The following ZNF589 variants were observed in gnomAD, a reference collection of about 807,000 sequenced individuals.
The protein encoded by ZNF589 is KRAB-zinc finger protein SZF1-1.
Under a neutral mutation model 13.6 loss-of-function variants are expected in ZNF589, and 17 were observed. That is an observed-to-expected ratio of 1.25 (90% CI 0.86 to 1.88). The LOEUF (loss-of-function observed/expected upper bound fraction) is 1.88. Among genes scored for constraint, ZNF589 ranks in the 40% most tolerant of loss-of-function variants. The pLI is 0.00. For missense variants in ZNF589, 407 were observed against 434.0 expected, an observed-to-expected ratio of 0.94 and a Z score of 0.55; for synonymous variants, 148 against 161.6, an observed-to-expected ratio of 0.92 and a Z score of 0.64.
chr3:48,252,930 T>G (rs528986930), intron 2 of ZNF589, among the ~76,000 whole-genome samples: 1 of 152,224 alleles, frequency 6.6e-6, no homozygotes, highest in Non-Finnish European at 1.5e-5. Context: ...GAATAATATC[T>G]TAACATTATT....
chr3:48,246,026 C>T (rs1395086608), intron 1 of ZNF589, among the ~76,000 whole-genome samples: 4 of 151,618 alleles, frequency 2.6e-5, no homozygotes, highest in African/African-American at 4.9e-5. Flanking sequence ...TAAAATTCCA[C>T]AATAGGCCAG....
intron 3 of ZNF589, among the ~76,000 whole-genome samples, chr3:48,267,588 G>C (rs2034033358): frequency 1.3e-5 from 2 of 152,056 alleles, no homozygotes; most frequent in Admixed American, 6.5e-5. Context: ...GTAGAGACAG[G>C]GTTTCACCAT....
At chr3:48,247,557 G>A in intron 1 of ZNF589, 68 bp from the exon 2 acceptor site, 5 of 1,584,156 alleles carry the variant, frequency 3.2e-6, no homozygotes, top group Non-Finnish European at 4.3e-6. Flanking sequence ...GGCTCAGAGG[G>A]CTCTTGGGGA....
intron 2 of ZNF589, among the ~76,000 whole-genome samples, chr3:48,255,948 T>G (rs1409522947): frequency 6.6e-6 from 1 of 152,202 alleles, no homozygotes; most frequent in Non-Finnish European, 1.5e-5. Context: ...TTTTGTATTT[T>G]CTGTATCAAA....
rs144306767 is a variant in ZNF589, at chr3:48,247,686, G to A, written c.96+9G>A. 3.4e-4 allele frequency: 544 copies of A among 1,612,672 alleles called. 2 individuals carry two copies. The highest frequency in any genetic ancestry group is 3.1e-3 in the African/African-American group (231 of 74,970). On this transcript the variant is annotated intron_variant, in intron 2 of 3. Coordinates refer to ENST00000354698, the MANE Select transcript of ZNF589 (RefSeq NM_016089.3). ...AGAAGCCTAGATATCTGGTGAGTTG[G>A]GCCCGCCCTTCTCTTTTCTGAAATG...
In ZNF589 at chr3:48,241,229, C is replaced by G. The variant is rs2033692958; in HGVS notation, c.43+15C>G. 3 of 1,610,320 alleles carry G rather than the reference C, an allele frequency of 1.9e-6. No homozygotes were observed. The highest frequency in any genetic ancestry group is 2.5e-6 in the Non-Finnish European group (3 of 1,179,268). On this transcript the variant is annotated intron_variant, in intron 1 of 3. Transcript: ENST00000354698. ...GACTGCGGAAGGTGAGTCGGGGCCG[C>G]GAGATCGCCTCCCCCATTCGGTGCT...
intron 1 of ZNF589, among the ~76,000 whole-genome samples, chr3:48,243,990 C>A (rs1448370277): frequency 6.6e-6 from 1 of 152,150 alleles, no homozygotes; most frequent in Non-Finnish European, 1.5e-5. Context: ...TGTGATTCAG[C>A]ACCTGTTCCC....
At chr3:48,252,412 C>T (rs1047378560) in intron 2 of ZNF589, among the ~76,000 whole-genome samples, 7 of 151,638 alleles carry the variant, frequency 4.6e-5, no homozygotes, top group African/African-American at 1.2e-4. Flanking sequence ...AGGATGGTCT[C>T]GATCTCCTGA....
chr3:48,262,931 G>A (rs1485819998), intron 3 of ZNF589, among the ~76,000 whole-genome samples: 1 of 152,162 alleles, frequency 6.6e-6, no homozygotes, highest in Non-Finnish European at 1.5e-5. Flanking sequence ...ACTTAGGTCT[G>A]TCACCACTAG....
intron 2 of ZNF589, among the ~76,000 whole-genome samples, chr3:48,254,580 G>A (rs2033877925): frequency 6.6e-6 from 1 of 152,052 alleles, no homozygotes; most frequent in Non-Finnish European, 1.5e-5. Context: ...ATAATACTGA[G>A]TCTAACTATC....
At chr3:48,267,593 C>T (rs561544786) in intron 3 of ZNF589, among the ~76,000 whole-genome samples, 1 of 152,134 alleles carries the variant, frequency 6.6e-6, no homozygotes, top group Non-Finnish European at 1.5e-5. Flanking sequence ...GACAGGGTTT[C>T]ACCATGTTGG....
intron 3 of ZNF589, among the ~76,000 whole-genome samples, chr3:48,263,107 CT>C (rs1325556323): frequency 2.6e-5 from 4 of 151,776 alleles, no homozygotes; most frequent in African/African-American, 7.3e-5. Flanking sequence ...AAATTACTTT[CT>C]TTTTTTCTTT....
chr3:48,257,949 T>C (rs6787500), intron 2 of ZNF589: 162,383 of 447,528 alleles, frequency 0.36, 31,345 homozygotes, highest in African/African-American at 0.51. Flanking sequence ...TCAAGTATTG[T>C]GGTGATCAAA....
At chr3:48,262,762 A>G (rs2106845918) in intron 3 of ZNF589, among the ~76,000 whole-genome samples, 1 of 152,326 alleles carries the variant, frequency 6.6e-6, no homozygotes, top group South Asian at 2.1e-4. Flanking sequence ...TCTAGAATAT[A>G]AATCTATTTT....
At chr3:48,264,972 T>C (rs984533845) in intron 3 of ZNF589, among the ~76,000 whole-genome samples, 3 of 152,096 alleles carry the variant, frequency 2.0e-5, no homozygotes, top group African/African-American at 7.2e-5. Flanking sequence ...CAGTTGGCTT[T>C]AATATTTAAA....
At chr3:48,246,972 A>G (rs555811629) in intron 1 of ZNF589, among the ~76,000 whole-genome samples, 109 of 148,298 alleles carry the variant, frequency 7.4e-4, no homozygotes, top group Non-Finnish European at 1.2e-3. Flanking sequence ...CTGGCCTAAC[A>G]TTTTCATAAA....
chr3:48,264,431 T>C (rs1203495772), intron 3 of ZNF589, among the ~76,000 whole-genome samples: 1 of 140,472 alleles, frequency 7.1e-6, no homozygotes, highest in East Asian at 2.1e-4. Context: ...TACTCAGGAG[T>C]CTGAGGCAGG....
intron 1 of ZNF589, among the ~76,000 whole-genome samples, chr3:48,247,376 A>G (rs577334270): frequency 6.6e-6 from 1 of 152,218 alleles, no homozygotes; most frequent in South Asian, 2.1e-4. Flanking sequence ...GGGTAGAAAG[A>G]TGATGAGTGC....
Position 48,242,674 on chromosome 3 carries a change from C to T in ZNF589, c.43+1460C>T, listed in dbSNP as rs114661920. Among the ~76,000 whole-genome samples the T allele has an allele frequency of 2.7e-3, 408 of 152,276 alleles. 2 individuals carry two copies. The highest frequency in any genetic ancestry group is 9.1e-3 in the African/African-American group (377 of 41,552). On this transcript the variant is annotated intron_variant, in intron 1 of 3. Transcript: ENST00000354698. ...TTTGTAGGCCACACGGTCTTTGTTA[C>T]GACTAGTGGTCTGCTGTTGTGTGAA...
Sources: gnomAD v4.1 joint callset for allele counts (sites outside exome capture counted in the v4.1 genomes callset) on GRCh38, gnomAD v4.1.1 for gene constraint, MANE v1.5 for transcripts, NCBI Gene and HGNC (gene_info 2026-07-23, HGNC 2026-07-21) for gene names.